NRXN1: variants seen among roughly 807,000 people sequenced by gnomAD.
The protein encoded by NRXN1 is neurexin-1.
Under a neutral mutation model 150.9 loss-of-function variants are expected in NRXN1, and 39 were observed. That is an observed-to-expected ratio of 0.26 (90% CI 0.20 to 0.34). NRXN1 has a LOEUF of 0.34. Ranked by LOEUF, NRXN1 falls within the 10% of genes least tolerant of loss-of-function variation. The pLI, the probability that NRXN1 is intolerant of heterozygous loss-of-function variation, is 1.00. For missense variants in NRXN1, 1,815 were observed against 1,949.9 expected (o/e 0.93, Z 1.30); for synonymous variants, 924 against 757.0 (o/e 1.22, Z -3.62).
intron 5 of NRXN1, among the ~76,000 whole-genome samples, chr2:50,712,694 T>C (rs1423948295): frequency 6.6e-6 from 1 of 152,170 alleles, no homozygotes; most frequent in African/African-American, 2.4e-5. Context: ...ATCTCAGCCC[T>C]TTAACTCTCA....
At chr2:50,318,805 G>T (rs979791360) in intron 17 of NRXN1, among the ~76,000 whole-genome samples, 2 of 152,014 alleles carry the variant, frequency 1.3e-5, no homozygotes, top group African/African-American at 4.8e-5. Flanking sequence ...TCAGAAGGTA[G>T]CTAGCTATCT....
rs947629761 is a variant in NRXN1, at chr2:50,900,740, T to C, written c.832+21129A>G. ...CACATTTCTGAGCAACGGCATTCCG[T>C]GATGTTGTACAAGCCAGAGAGAGTG... On this transcript the variant is annotated intron_variant, in intron 5 of 22. Coordinates refer to ENST00000401669, the MANE Select transcript of NRXN1 (RefSeq NM_001330078.2). Among the ~76,000 whole-genome samples, 4 of 152,028 alleles carry C rather than the reference T, an allele frequency of 2.6e-5. No homozygotes were observed. The East Asian group carries it at 5.8e-4, about 22-fold the overall frequency.
At position 50,598,552 on chromosome 2, in the gene NRXN1, G is replaced by GTA. The variant is rs546244675; in HGVS notation, c.1320+21468_1320+21469dup. On this transcript the variant is annotated intron_variant, in intron 8 of 22. Transcript: ENST00000401669. ...AATCCTAACTCTCCTATATATGTGT[G>GTA]TATATATATATGTGTGTGTGTGTGT... Among the ~76,000 whole-genome samples the GTA allele has an allele frequency of 4.2e-4, 59 of 139,952 alleles. No homozygotes were observed. In the Middle Eastern group the frequency reaches 0.037, roughly 89 times the overall value. The allele number at this position is 139,952 out of a possible 152,430, so 91.8% of individuals were successfully genotyped here.
intron 21 of NRXN1, among the ~76,000 whole-genome samples, chr2:49,972,014 G>A (rs1678044800): frequency 6.6e-6 from 1 of 152,088 alleles, no homozygotes; most frequent in Non-Finnish European, 1.5e-5. Flanking sequence ...ACTGACAAGT[G>A]AGCTGCGGGC....
At chr2:51,023,276 C>T (rs1371002168) in intron 2 of NRXN1, among the ~76,000 whole-genome samples, 1 of 152,164 alleles carries the variant, frequency 6.6e-6, no homozygotes, top group Non-Finnish European at 1.5e-5. Context: ...ATCCACACTA[C>T]ACTCTTTGCA....
At chr2:50,753,340 A>G (rs1700816895) in intron 5 of NRXN1, among the ~76,000 whole-genome samples, 1 of 151,900 alleles carries the variant, frequency 6.6e-6, no homozygotes, top group Non-Finnish European at 1.5e-5. Context: ...GAAATCTCAA[A>G]TGGGAAGTAG....
intron 18 of NRXN1, among the ~76,000 whole-genome samples, chr2:50,202,994 T>G (rs550682634): frequency 1.3e-5 from 2 of 152,096 alleles, no homozygotes; most frequent in South Asian, 4.1e-4. Flanking sequence ...GAGAAGAAAT[T>G]GAAGGTCCCA....
At chr2:50,738,434 T>C (rs921533713) in intron 5 of NRXN1, among the ~76,000 whole-genome samples, 10 of 152,202 alleles carry the variant, frequency 6.6e-5, no homozygotes, top group African/African-American at 2.2e-4. Flanking sequence ...TAATATCTAA[T>C]TTATTCAGAA....
intron 18 of NRXN1, among the ~76,000 whole-genome samples, chr2:50,170,158 C>A (rs1232104085): frequency 6.6e-6 from 1 of 151,976 alleles, no homozygotes; most frequent in African/African-American, 2.4e-5. Context: ...CACACACACA[C>A]ACACACATAT....
At chr2:50,993,732 T>C (rs763439061) in intron 2 of NRXN1, among the ~76,000 whole-genome samples, 1 of 151,970 alleles carries the variant, frequency 6.6e-6, no homozygotes, top group Non-Finnish European at 1.5e-5. Flanking sequence ...GCCATGTTGC[T>C]ATCCACAGAA....
intron 21 of NRXN1, among the ~76,000 whole-genome samples, chr2:49,965,228 C>T (rs894392181): frequency 1.3e-5 from 2 of 151,554 alleles, no homozygotes; most frequent in South Asian, 2.1e-4. Flanking sequence ...ATTTTTTCTG[C>T]CTAAGGTTTC....
intron 12 of NRXN1, among the ~76,000 whole-genome samples, chr2:50,523,550 G>T (rs947581412): frequency 1.3e-5 from 2 of 152,024 alleles, no homozygotes; most frequent in African/African-American, 4.8e-5. Flanking sequence ...ATCTAATATG[G>T]CTTAAGTGCC....
intron 17 of NRXN1, among the ~76,000 whole-genome samples, chr2:50,249,617 C>A (rs1368791859): frequency 6.6e-6 from 1 of 150,872 alleles, no homozygotes; most frequent in Admixed American, 6.6e-5. Context: ...ATGACCCATC[C>A]AAACACATGT....
chr2:51,027,875 C>T lies in NRXN1; in HGVS notation c.399G>A (p.Val133=). ...ACTTGACCTCCACCCACTTGGCCTC[C>T]ACCTGGTCGATGAAGAGCGTGGTGT... ...FRNTTLFIDQ[V]EAKWVEVKSK... is the part of the protein sequence containing the mutation. Residue 133 remains valine, a synonymous_variant, in exon 2 of 23, where the codon GTG becomes GTA. Coordinates refer to ENST00000401669, the MANE Select transcript of NRXN1 (RefSeq NM_001330078.2). The T allele has an allele frequency of 6.2e-7, 1 of 1,612,736 alleles. No individual in the cohort carries two copies. Among genetic ancestry groups the T allele is most frequent in the Non-Finnish European group, 8.5e-7 (1 of 1,179,728 alleles).
At position 49,921,335 on chromosome 2, in the gene NRXN1, T is replaced by G. The variant is rs1668159093; in HGVS notation, c.*609A>C. ...TTGAAAATAAGGCCTCCATACTTTT[T>G]TTTCCTCTCTCACAACCAGAAAGGG... On this transcript the variant is annotated 3_prime_UTR_variant, in exon 23 of 23. Transcript: ENST00000401669. 1 of 152,638 alleles carries G rather than the reference T, an allele frequency of 6.6e-6. No homozygotes were observed. The highest frequency in any genetic ancestry group is 6.5e-5 in the Admixed American group (1 of 15,286). The allele number at this position is 152,638 out of a possible 1,614,324, so 9.5% of individuals were successfully genotyped here.
chr2:50,218,786 A>ATAGAAAAACTTCAACTTTG (rs2063580581), intron 18 of NRXN1, among the ~76,000 whole-genome samples: 1 of 151,976 alleles, frequency 6.6e-6, no homozygotes, highest in Non-Finnish European at 1.5e-5. Flanking sequence ...CTTATCTGAG[A>ATAGAAAAACTTCAACTTTG]TAGAAAAACT....
chr2:50,386,668 A>C (rs116065882), intron 17 of NRXN1, among the ~76,000 whole-genome samples: 1,625 of 152,298 alleles, frequency 0.011, 36 homozygotes, highest in African/African-American at 0.038. Flanking sequence ...TCAATGATTC[A>C]GGATACCAAG....
chr2:50,767,690 C>T (rs1702529450), intron 5 of NRXN1, among the ~76,000 whole-genome samples: 1 of 151,970 alleles, frequency 6.6e-6, no homozygotes, highest in South Asian at 2.1e-4. Context: ...TTTAAAGTAC[C>T]TAATTTGCTG....
chr2:50,249,780 G>C (rs1419030599), intron 17 of NRXN1, among the ~76,000 whole-genome samples: 1 of 151,986 alleles, frequency 6.6e-6, no homozygotes, highest in African/African-American at 2.4e-5. Context: ...TGGGATCATA[G>C]ATACGCGCCA....
Sources: allele counts gnomAD v4.1 joint callset (sites outside exome capture counted in the v4.1 genomes callset), GRCh38; gene constraint gnomAD v4.1.1; transcripts MANE v1.5; gene names NCBI Gene and HGNC (gene_info 2026-07-23, HGNC 2026-07-21).